The following SYNE2 variants were observed in gnomAD, a reference collection of about 807,000 sequenced individuals.
The protein encoded by SYNE2 is spectrin repeat containing nuclear envelope protein 2, also known as nesprin-2.
In SYNE2, 431 loss-of-function variants were observed where a neutral mutation model predicts 856.3. The observed-to-expected ratio is 0.50, with a 90% CI of 0.47 to 0.55. The LOEUF (loss-of-function observed/expected upper bound fraction) is 0.55. Ranked by LOEUF, SYNE2 falls within the 20% of genes least tolerant of loss-of-function variation. The probability of loss-of-function intolerance (pLI) is 0.00; values close to 1 mark genes in which losing one functional copy is unlikely to be tolerated. For missense variants in SYNE2, 8,129 were observed against 8,023.2 expected (o/e 1.01, Z -0.50); for synonymous variants, 2,923 against 2,872.3 (o/e 1.02, Z -0.56).
chr14:63,896,772 A>G (rs944159054), intron 1 of SYNE2, among the ~76,000 whole-genome samples: 5 of 152,140 alleles, frequency 3.3e-5, no homozygotes, highest in Non-Finnish European at 7.4e-5. Flanking sequence ...TTAAAATTTT[A>G]AAGAGTTAAT....
At position 64,030,044 on chromosome 14, in the gene SYNE2, A is replaced by G. The variant is rs760679716; in HGVS notation, c.6864A>G (p.Lys2288=). ...TGGATCAAATAGCGGTTGAGGAAAA[A>G]TTGCAGAAACTGCAGGTACTAAACG... The part of the protein sequence containing the change: ...KPVDQIAVEE[K]LQKLQELENR... The change falls in exon 44 of 116, where the codon AAA becomes AAG. Residue 2288 remains lysine (K), a synonymous_variant. Coordinates refer to ENST00000555002, the MANE Select transcript of SYNE2 (RefSeq NM_182914.3). The G allele has an allele frequency of 6.2e-7, 1 of 1,614,128 alleles. No individual in the cohort carries two copies. The highest frequency in any genetic ancestry group is 1.1e-5 in the South Asian group (1 of 91,078).
chr14:63,772,363 AAAAC>A (rs1250262141), intron 1 of SYNE2, among the ~76,000 whole-genome samples: 9 of 151,978 alleles, frequency 5.9e-5, no homozygotes, highest in African/African-American at 2.2e-4. Flanking sequence ...CAAAAACAAA[AAAAC>A]AAACAAACAA....
intron 1 of SYNE2, among the ~76,000 whole-genome samples, chr14:63,904,075 T>C (rs1595544907): frequency 2.6e-5 from 4 of 152,358 alleles, no homozygotes; most frequent in Admixed American, 2.6e-4. Flanking sequence ...ACATATATTA[T>C]TGGTTTTCTG....
intron 1 of SYNE2, among the ~76,000 whole-genome samples, chr14:63,888,409 G>C (rs2095048843): frequency 2.0e-5 from 3 of 152,306 alleles, no homozygotes; most frequent in Middle Eastern, 6.8e-3. Flanking sequence ...GGGATCTTGA[G>C]GCCAGGCTTG....
At chr14:64,143,205 G>A (rs2098154215) in intron 82 of SYNE2, among the ~76,000 whole-genome samples, 1 of 152,210 alleles carries the variant, frequency 6.6e-6, no homozygotes, top group Non-Finnish European at 1.5e-5. Context: ...GATAAAATCA[G>A]TAAGTGACAG....
intron 87 of SYNE2, among the ~76,000 whole-genome samples, chr14:64,160,588 T>C (rs1467794857): frequency 6.6e-6 from 1 of 152,228 alleles, no homozygotes; most frequent in Non-Finnish European, 1.5e-5. Flanking sequence ...ATTTTTGAAA[T>C]GCATAAAAGT....
intron 1 of SYNE2, among the ~76,000 whole-genome samples, chr14:63,887,524 G>C (rs1382990778): frequency 1.3e-5 from 2 of 152,156 alleles, no homozygotes; most frequent in Admixed American, 6.6e-5. Context: ...TTGTCCTTCA[G>C]GAGGATCCAG....
rs550231083 is a variant in SYNE2, at chr14:64,019,389, TCTAA to T, written c.5050-599_5050-596del. Among the ~76,000 whole-genome samples the T allele has an allele frequency of 9.6e-4, 146 of 152,364 alleles. 1 individual carries two copies. The highest frequency in any genetic ancestry group is 2.3e-3 in the African/African-American group (95 of 41,598). On this transcript the variant is annotated intron_variant, in intron 34 of 115. Transcript: ENST00000555002. ...CTAATGCCTCAGATCTCGTTTTGTC[TCTAA>T]CTATTTTATTTACTTTTTAATTCAT...
intron 1 of SYNE2, among the ~76,000 whole-genome samples, chr14:63,899,446 C>T (rs953026962): frequency 6.6e-6 from 1 of 152,208 alleles, no homozygotes; most frequent in African/African-American, 2.4e-5. Context: ...AGGTGATCCA[C>T]CTGCCTTGGC....
intron 71 of SYNE2, among the ~76,000 whole-genome samples, chr14:64,125,765 A>G (rs773881028): frequency 6.6e-6 from 1 of 152,206 alleles, no homozygotes; most frequent in African/African-American, 2.4e-5. Context: ...GGCGCAATGC[A>G]TGACACTGGG....
chr14:63,998,432 GC>G, intron 26 of SYNE2, 104 bp downstream of exon 26: 1 of 766,612 alleles, frequency 1.3e-6, no homozygotes, highest in Non-Finnish European at 2.3e-6. Flanking sequence ...TCGTCATTTT[GC>G]ATATGATCCA....
Position 64,003,018 on chromosome 14 carries a change from A to G in SYNE2, c.4085A>G (p.Asn1362Ser). 1 of 1,614,224 alleles carries G rather than the reference A, an allele frequency of 6.2e-7. No homozygotes were observed. The highest frequency in any genetic ancestry group is 1.6e-4 in the Middle Eastern group (1 of 6,062). ...VAQENTLTVK[N>S]KEGEIHLMKD... Reference sequence around the variant, plus strand: ...CAAGAAAATACGTTGACAGTAAAAAATAAAGAGGGAGAAATTCATCTGATG... The same window carrying G: ...CAAGAAAATACGTTGACAGTAAAAAGTAAAGAGGGAGAAATTCATCTGATG... Residue 1362 changes from asparagine to serine, a missense_variant, in exon 30 of 116, where the codon AAT becomes AGT. Transcript: ENST00000555002.
At chr14:63,840,631 A>G (rs942775068) in intron 1 of SYNE2, among the ~76,000 whole-genome samples, 2 of 151,900 alleles carry the variant, frequency 1.3e-5, no homozygotes, top group Non-Finnish European at 1.5e-5. Flanking sequence ...AGGAACTCCA[A>G]TTTTAAATGT....
intron 96 of SYNE2, among the ~76,000 whole-genome samples, chr14:64,180,674 T>C (rs1398833657): frequency 3.3e-5 from 5 of 152,180 alleles, no homozygotes; most frequent in African/African-American, 1.2e-4. Context: ...CAGCTAATTT[T>C]TGTATTTTTA....
intron 1 of SYNE2, among the ~76,000 whole-genome samples, chr14:63,873,098 T>C (rs1211542132): frequency 1.3e-5 from 2 of 152,234 alleles, no homozygotes; most frequent in African/African-American, 4.8e-5. Context: ...AAACAGTTAC[T>C]CATTAACATG....
At chr14:64,130,506 C>T (rs1234841804) in intron 76 of SYNE2, among the ~76,000 whole-genome samples, 6 of 152,170 alleles carry the variant, frequency 3.9e-5, no homozygotes, top group Non-Finnish European at 4.4e-5. Context: ...TATTTATCAA[C>T]AAGTCTTCAA....
At position 64,119,593 on chromosome 14, in the gene SYNE2, A is replaced by G. The variant is rs2097882399; in HGVS notation, c.13007A>G (p.Lys4336Arg). 6.2e-7 allele frequency: 1 copy of G among 1,614,188 alleles called. No homozygotes were observed. The highest frequency in any genetic ancestry group is 8.5e-7 in the Non-Finnish European group (1 of 1,180,016). The change falls in exon 67 of 116, where the codon AAG becomes AGG. Residue 4336 changes from lysine to arginine, a missense_variant. Physicochemically the swap from Lys to Arg is conservative, Grantham distance 26. This residue lies in a region of SYNE2 where 5,410 missense variants were observed against 5,284.8 expected (regional missense o/e 1.02). Coordinates refer to ENST00000555002, the MANE Select transcript of SYNE2 (RefSeq NM_182914.3). ...LEKVQMMLQEKHSEDQHPTIL... is the reference protein window; with the variant it reads ...LEKVQMMLQERHSEDQHPTIL... ...AAAGTCCAGATGATGCTTCAGGAGAAGCACAGTGAAGATCAGGTAAAAAAT... is the reference window on the plus strand; with the variant it reads ...AAAGTCCAGATGATGCTTCAGGAGAGGCACAGTGAAGATCAGGTAAAAAAT...
chr14:63,776,312 T>C (rs1207179980), intron 1 of SYNE2, among the ~76,000 whole-genome samples: 2 of 152,230 alleles, frequency 1.3e-5, no homozygotes, highest in African/African-American at 4.8e-5. Context: ...CCAATCCAGC[T>C]GCACACGTGC....
chr14:64,037,052 CAG>C (rs1452562071), intron 45 of SYNE2, among the ~76,000 whole-genome samples: 2 of 152,014 alleles, frequency 1.3e-5, no homozygotes, highest in Non-Finnish European at 2.9e-5. Context: ...AGCATTGGAA[CAG>C]AGACTGGAAG....
Sources: gnomAD v4.1 joint callset for allele counts (sites outside exome capture counted in the v4.1 genomes callset) on GRCh38, gnomAD v4.1.1 for gene constraint, gnomAD v4.1.1 regional missense constraint, MANE v1.5 for transcripts, NCBI Gene and HGNC (gene_info 2026-07-23, HGNC 2026-07-21) for gene names.